Variants in TRMT11 observed in about 807,000 individuals in gnomAD.
The protein encoded by TRMT11 is tRNA (guanine(10)-N(2))-methyltransferase TRMT11.
TRMT11 carries 53 observed loss-of-function variants against 62.8 expected under a neutral mutation model. The ratio of observed to expected loss-of-function variants is 0.84; its 90% CI spans 0.68 to 1.06. The LOEUF (loss-of-function observed/expected upper bound fraction) is 1.06, where lower values mean the gene tolerates loss of function less well. TRMT11 is among the 50% of genes least tolerant of loss of function. TRMT11 has a pLI of 0.00. For missense variants in TRMT11, 556 were observed against 553.4 expected, an observed-to-expected ratio of 1.00 and a Z score of -0.05; for synonymous variants, 188 against 190.3, an observed-to-expected ratio of 0.99 and a Z score of 0.10.
intron 2 of TRMT11, among the ~76,000 whole-genome samples, chr6:125,995,187 C>G (rs1426473412): frequency 2.0e-5 from 3 of 152,120 alleles, no homozygotes; most frequent in Non-Finnish European, 4.4e-5. Context: ...GGATTTCTTG[C>G]AAAAGATGAA....
the TRMT11 span, among the ~76,000 whole-genome samples, chr6:126,212,122 AG>A: frequency 6.6e-6 from 1 of 152,248 alleles, no homozygotes; most frequent in East Asian, 1.9e-4. Context: ...ATGGCTGAAT[AG>A]TACTCTATTA....
the TRMT11 span, among the ~76,000 whole-genome samples, chr6:126,245,166 C>G: frequency 1.3e-5 from 2 of 151,976 alleles, no homozygotes; most frequent in African/African-American, 4.8e-5. Context: ...TTCTAGGAAC[C>G]CTTGAATATG....
At chr6:126,244,401 C>A in the TRMT11 span, among the ~76,000 whole-genome samples, 2,279 of 152,208 alleles carry the variant, frequency 0.015, 54 homozygotes, top group African/African-American at 0.049. Context: ...CTCTCTTCCC[C>A]GCCTTTCACT....
intron 12 of TRMT11, among the ~76,000 whole-genome samples, chr6:126,036,606 G>A (rs1775238093): frequency 6.6e-6 from 1 of 152,006 alleles, no homozygotes; most frequent in South Asian, 2.1e-4. Context: ...AGAATTGTGA[G>A]GATCAACATG....
rs115263450 is a variant in TRMT11 at position 126,100,081 on chromosome 6, T to A, written c.*1438-12785T>A. Reference sequence around the variant, plus strand: ...ATGCCCACCGGTGACACTCTTTGCATGCTTTGAGTTGAAAGTTAGGTGACT... The same window carrying A: ...ATGCCCACCGGTGACACTCTTTGCAAGCTTTGAGTTGAAAGTTAGGTGACT... On this transcript the variant is annotated intron_variant and NMD_transcript_variant, in intron 17 of 22. Coordinates refer to the TRMT11 transcript ENST00000648977. Among the ~76,000 whole-genome samples, 1,211 of 152,300 alleles carry A rather than the reference T, an allele frequency of 8.0e-3. 16 individuals carry two copies. Among genetic ancestry groups the A allele is most frequent in the African/African-American group, 0.028 (1,152 of 41,572 alleles).
At chr6:126,068,453 G>A (rs1776753536) in intron 17 of TRMT11, among the ~76,000 whole-genome samples, 1 of 152,134 alleles carries the variant, frequency 6.6e-6, no homozygotes, top group Non-Finnish European at 1.5e-5. Flanking sequence ...TTCATTTGGA[G>A]GTAATTTTAA....
intron 17 of TRMT11, among the ~76,000 whole-genome samples, chr6:126,061,121 T>C (rs1341099514): frequency 6.6e-6 from 1 of 152,234 alleles, no homozygotes; most frequent in East Asian, 1.9e-4. Context: ...TCAGTCCTCC[T>C]GTACTTGGCT....
chr6:126,016,927 T>C (rs189813850), intron 11 of TRMT11, among the ~76,000 whole-genome samples: 2 of 152,286 alleles, frequency 1.3e-5, no homozygotes, highest in East Asian at 3.9e-4. Flanking sequence ...AAATTTGTCT[T>C]GAGTTTATGC....
chr6:126,023,117 T>A (rs1325105696), intron 12 of TRMT11, among the ~76,000 whole-genome samples: 1 of 152,246 alleles, frequency 6.6e-6, no homozygotes, highest in Non-Finnish European at 1.5e-5. Flanking sequence ...TTATTTAAAG[T>A]CGTTTTTGGA....
intron 21 of TRMT11, among the ~76,000 whole-genome samples, chr6:126,146,107 G>A (rs984676546): frequency 6.6e-6 from 1 of 152,228 alleles, no homozygotes; most frequent in Non-Finnish European, 1.5e-5. Flanking sequence ...TTCCAAGCCA[G>A]TGACTCAGTT....
chr6:126,090,092 A>G (rs1275739951), intron 17 of TRMT11, among the ~76,000 whole-genome samples: 1 of 152,182 alleles, frequency 6.6e-6, no homozygotes, highest in African/African-American at 2.4e-5. Context: ...ACGCTCAGAC[A>G]TCTTTCCCTT....
Position 126,000,891 on chromosome 6 carries a change from G to C in TRMT11, c.679+1278G>C, listed in dbSNP as rs111826659. Among the ~76,000 whole-genome samples the C allele has an allele frequency of 4.8e-3, 722 of 151,992 alleles. 7 individuals carry two copies. Among genetic ancestry groups the C allele is most frequent in the African/African-American group, 0.016 (681 of 41,438 alleles). On this transcript the variant is annotated intron_variant, in intron 7 of 12. Coordinates refer to ENST00000334379, the MANE Select transcript of TRMT11 (RefSeq NM_001031712.3). ...ACCCCAAATTTTAAACTTTTTATTG[G>C]AAATAATATCAAACTTTCAGAAAAG... is the stretch of plus-strand genomic sequence containing the variant.
At chr6:126,217,396 T>C in the TRMT11 span, among the ~76,000 whole-genome samples, 3 of 152,182 alleles carry the variant, frequency 2.0e-5, no homozygotes, top group Admixed American at 2.0e-4. Flanking sequence ...TCCAGGTATT[T>C]GAAGCGACTT....
chr6:126,089,935 C>T (rs1328007097), intron 17 of TRMT11, among the ~76,000 whole-genome samples: 1 of 152,172 alleles, frequency 6.6e-6, no homozygotes, highest in East Asian at 1.9e-4. Context: ...CTACCTTCAG[C>T]TTAAATCCAA....
chr6:126,152,473 G>A (rs1282581625), intron 21 of TRMT11, among the ~76,000 whole-genome samples: 2 of 152,090 alleles, frequency 1.3e-5, no homozygotes, highest in Non-Finnish European at 2.9e-5. Context: ...TCTGCCCTGT[G>A]TGGAATCCAA....
intron 16 of TRMT11, among the ~76,000 whole-genome samples, chr6:126,050,509 C>G (rs578210326): frequency 6.6e-6 from 1 of 151,924 alleles, no homozygotes; most frequent in Admixed American, 6.6e-5. Context: ...ACGAGACCAG[C>G]GTGGGCAACA....
At chr6:126,222,138 C>T in the TRMT11 span, among the ~76,000 whole-genome samples, 2 of 152,062 alleles carry the variant, frequency 1.3e-5, no homozygotes, top group African/African-American at 4.8e-5. Context: ...AGCTTTATTT[C>T]TGGGTTCTCT....
At chr6:126,143,464 G>A (rs1777941940) in intron 21 of TRMT11, among the ~76,000 whole-genome samples, 1 of 152,048 alleles carries the variant, frequency 6.6e-6, no homozygotes, top group Non-Finnish European at 1.5e-5. Flanking sequence ...CTAAAAGAAA[G>A]GTCCCTTGAC....
intron 21 of TRMT11, among the ~76,000 whole-genome samples, chr6:126,122,820 A>G (rs1016100027): frequency 1.6e-4 from 25 of 152,128 alleles, no homozygotes; most frequent in African/African-American, 6.0e-4. Flanking sequence ...TCTTTTGTTA[A>G]TCAGTCTGCT....
Sources: gnomAD v4.1 joint callset for allele counts (sites outside exome capture counted in the v4.1 genomes callset) on GRCh38, gnomAD v4.1.1 for gene constraint, MANE v1.5 for transcripts, NCBI Gene and HGNC (gene_info 2026-07-23, HGNC 2026-07-21) for gene names.